Variants in BTBD9 observed in about 807,000 individuals in gnomAD.
The protein encoded by BTBD9 is BTB domain containing 9.
In BTBD9, 49 loss-of-function variants were observed where a neutral mutation model predicts 64.3. The ratio of observed to expected loss-of-function variants is 0.76; its 90% CI spans 0.61 to 0.97. BTBD9 has a LOEUF of 0.97. BTBD9 is among the 50% of genes least tolerant of loss of function. BTBD9 has a pLI of 0.00. For missense variants in BTBD9, 598 were observed against 762.1 expected (o/e 0.78, Z 2.53); for synonymous variants, 260 against 274.7 (o/e 0.95, Z 0.53).
intron 4 of BTBD9, among the ~76,000 whole-genome samples, chr6:38,589,844 C>T (rs1458871528): frequency 1.3e-5 from 2 of 152,204 alleles, no homozygotes; most frequent in Non-Finnish European, 2.9e-5. Context: ...AAGCTCTCTC[C>T]TCCGGTTGTC....
chr6:38,447,564 G>C (rs546552288), intron 6 of BTBD9, among the ~76,000 whole-genome samples: 42 of 152,314 alleles, frequency 2.8e-4, no homozygotes, highest in African/African-American at 1.0e-3. Flanking sequence ...TAAAGAGCAA[G>C]AAAGTGGAAA....
chr6:38,468,200 C>T (rs919224756), intron 6 of BTBD9, among the ~76,000 whole-genome samples: 1 of 152,192 alleles, frequency 6.6e-6, no homozygotes, highest in Non-Finnish European at 1.5e-5. Context: ...CCTTCTAAAG[C>T]ACAGTTCTGA....
At position 38,592,812 on chromosome 6, in the gene BTBD9, T is replaced by C. The variant is rs369392821; in HGVS notation, c.578A>G (p.Asp193Gly). ...ATCTTTTTCGGGAGCTGCAAATGAG[T>C]CTCTTAACACGATGTTTAAAAGTGC... ...KTALLNIVLR[D>G]SFAAPEKDIF... is the part of the protein sequence containing the mutation. The change falls in exon 4 of 11, where the codon GAC becomes GGC. Residue 193 changes from aspartate (D) to glycine (G), a missense_variant. Coordinates refer to ENST00000481247, the MANE Select transcript of BTBD9 (RefSeq NM_001099272.2). 11 of 1,614,018 alleles carry C rather than the reference T, an allele frequency of 6.8e-6. No individual in the cohort carries two copies. Among genetic ancestry groups the C allele is most frequent in the African/African-American group, 2.7e-5 (2 of 74,914 alleles).
intron 8 of BTBD9, among the ~76,000 whole-genome samples, chr6:38,266,716 T>A (rs1765019543): frequency 6.6e-6 from 1 of 152,012 alleles, no homozygotes; most frequent in Non-Finnish European, 1.5e-5. Context: ...GCTTTCAATG[T>A]GGAAATATGA....
intron 10 of BTBD9, among the ~76,000 whole-genome samples, chr6:38,190,467 T>TATA (rs1762021864): frequency 1.3e-5 from 1 of 77,518 alleles, no homozygotes; most frequent in Non-Finnish European, 2.4e-5. Context: ...AAACTCTGTC[T>TATA]AAAAAAAAAA....
intron 6 of BTBD9, among the ~76,000 whole-genome samples, chr6:38,496,894 C>T (rs1428408139): frequency 6.6e-6 from 1 of 152,132 alleles, no homozygotes; most frequent in Non-Finnish European, 1.5e-5. Context: ...TAAAACAATG[C>T]CCTAAAAGCT....
intron 9 of BTBD9, among the ~76,000 whole-genome samples, chr6:38,213,022 G>GT (rs199934616): frequency 0.14 from 20,166 of 144,016 alleles, 1,564 homozygotes; most frequent in African/African-American, 0.22. Context: ...AATTTCAGGT[G>GT]TTTTTTTTTT....
intron 6 of BTBD9, among the ~76,000 whole-genome samples, chr6:38,409,142 T>C (rs1186150328): frequency 1.3e-5 from 2 of 152,050 alleles, no homozygotes; most frequent in Non-Finnish European, 2.9e-5. Context: ...CCCAGGTACT[T>C]GGGAGGCGGA....
At chr6:38,346,418 C>T (rs2127590550) in intron 6 of BTBD9, among the ~76,000 whole-genome samples, 1 of 152,170 alleles carries the variant, frequency 6.6e-6, no homozygotes, top group Admixed American at 6.5e-5. Context: ...TGATCACTCA[C>T]CTTTATAACC....
intron 8 of BTBD9, among the ~76,000 whole-genome samples, chr6:38,282,677 C>T (rs1042597445): frequency 1.3e-5 from 2 of 152,182 alleles, no homozygotes; most frequent in African/African-American, 4.8e-5. Context: ...ACACTGGCCT[C>T]CTAGCTGCTC....
chr6:38,210,764 T>G (rs764916357), intron 9 of BTBD9, among the ~76,000 whole-genome samples: 2 of 152,232 alleles, frequency 1.3e-5, no homozygotes, highest in Non-Finnish European at 2.9e-5. Context: ...GATGTGTTCT[T>G]TCCAATAGGG....
intron 7 of BTBD9, among the ~76,000 whole-genome samples, chr6:38,332,143 T>A (rs991795864): frequency 6.6e-6 from 1 of 152,218 alleles, no homozygotes; most frequent in Non-Finnish European, 1.5e-5. Context: ...ACTTATTTTG[T>A]CATGTATGTT....
intron 6 of BTBD9, among the ~76,000 whole-genome samples, chr6:38,532,093 T>C (rs192347875): frequency 3.3e-5 from 5 of 152,288 alleles, no homozygotes; most frequent in Admixed American, 3.3e-4. Flanking sequence ...CCTGTGGCAG[T>C]GGCCACATGA....
At chr6:38,501,915 C>G (rs1290184074) in intron 6 of BTBD9, among the ~76,000 whole-genome samples, 1 of 152,064 alleles carries the variant, frequency 6.6e-6, no homozygotes, top group African/African-American at 2.4e-5. Context: ...ATTTTTAAGA[C>G]AACAAATAAA....
chr6:38,376,592 A>T (rs1427911695), intron 6 of BTBD9, among the ~76,000 whole-genome samples: 2 of 152,194 alleles, frequency 1.3e-5, no homozygotes, highest in Non-Finnish European at 2.9e-5. Flanking sequence ...CAGAAACAAA[A>T]GCTGTGTTAA....
At chr6:38,636,063 A>T (rs757516109) in intron 1 of BTBD9, among the ~76,000 whole-genome samples, 6 of 152,202 alleles carry the variant, frequency 3.9e-5, no homozygotes, top group Non-Finnish European at 8.8e-5. Flanking sequence ...AAGCATCTAT[A>T]AGACAGGCAT....
chr6:38,590,468 C>A (rs1160198095), intron 4 of BTBD9, among the ~76,000 whole-genome samples: 1 of 152,026 alleles, frequency 6.6e-6, no homozygotes, highest in Non-Finnish European at 1.5e-5. Flanking sequence ...TCTCCTATGC[C>A]CAGTGAAAAG....
At chr6:38,535,543 G>A (rs774068458) in intron 6 of BTBD9, among the ~76,000 whole-genome samples, 3 of 151,988 alleles carry the variant, frequency 2.0e-5, no homozygotes, top group South Asian at 4.1e-4. Context: ...ACCCAGAAGA[G>A]CCAAAGCTAT....
At chr6:38,299,182 G>T (rs1372111604) in intron 7 of BTBD9, among the ~76,000 whole-genome samples, 3 of 152,176 alleles carry the variant, frequency 2.0e-5, no homozygotes, top group African/African-American at 7.2e-5. Context: ...CAAAGGACAT[G>T]AACTCATCAT....
Sources: allele counts gnomAD v4.1 joint callset (sites outside exome capture counted in the v4.1 genomes callset), GRCh38; gene constraint gnomAD v4.1.1; transcripts MANE v1.5; gene names NCBI Gene and HGNC (gene_info 2026-07-23, HGNC 2026-07-21).